MYO9B: variants seen among roughly 807,000 people sequenced by gnomAD.
MYO9B encodes unconventional myosin-IXb.
MYO9B carries 71 observed loss-of-function variants against 229.5 expected under a neutral mutation model. The observed-to-expected ratio is 0.31, with a 90% confidence interval of 0.26 to 0.38. The LOEUF is 0.38. Ranked by LOEUF, MYO9B falls within the 10% of genes least tolerant of loss-of-function variation. The probability of loss-of-function intolerance (pLI) is 1.00; values close to 1 mark genes in which losing one functional copy is unlikely to be tolerated. For missense variants in MYO9B, 2,255 were observed against 2,920.5 expected, an observed-to-expected ratio of 0.77 and a Z score of 5.25; for synonymous variants, 1,185 against 1,235.8, an observed-to-expected ratio of 0.96 and a Z score of 0.86.
At position 17,203,196 on chromosome 19, in the gene MYO9B, C is replaced by T; in HGVS notation, c.4928C>T (p.Pro1643Leu). Residue 1643 changes from proline to leucine, a missense_variant, in exon 30 of 40, where the codon CCG becomes CTG. Coordinates refer to ENST00000682292, the MANE Select transcript of MYO9B (RefSeq NM_004145.4). ...TTCGCCAGCTACCAGGTTAGCATCC[C>T]GCAGTCGTGCGAGCAGTGCCTCTCC... ...HVFASYQVSI[P>L]QSCEQCLSYI... The T allele has an allele frequency of 6.3e-7, 1 of 1,577,060 alleles. No individual in the cohort carries two copies. Among genetic ancestry groups the T allele is most frequent in the Non-Finnish European group, 8.6e-7 (1 of 1,161,406 alleles).
intron 2 of MYO9B, among the ~76,000 whole-genome samples, chr19:17,127,022 T>TC (rs2072129468): frequency 6.9e-6 from 1 of 145,512 alleles, no homozygotes; most frequent in African/African-American, 2.6e-5. Context: ...CATTTTTTTT[T>TC]TTTTTTTCAG....
At position 17,180,341 on chromosome 19, in the gene MYO9B, A is replaced by ATCTTTTTTTT. The variant is rs1555701612; in HGVS notation, c.2220-585_2220-584insCTTTTTTTTT. Among the ~76,000 whole-genome samples the ATCTTTTTTTT allele has an allele frequency of 3.4e-5, 3 of 87,984 alleles. 1 individual carries two copies. Among genetic ancestry groups the ATCTTTTTTTT allele is most frequent in the Non-Finnish European group, 2.1e-5 (1 of 48,466 alleles). The allele number at this position is 87,984 out of a possible 152,430, so 57.7% of individuals were successfully genotyped here. A position where few individuals can be genotyped will look rare whatever the true frequency, so the allele number is the denominator to read the frequency against. ...AAAGTGGAATGACCAGATGGAAATAATTTTTTTTTTTTTTTTTTTTTTTTT... is the reference window on the plus strand; with the variant it reads ...AAAGTGGAATGACCAGATGGAAATAATCTTTTTTTTTTTTTTTTTTTTTTTTTTTTTTTTT... On this transcript the variant is annotated intron_variant, in intron 14 of 39. Coordinates refer to ENST00000682292, the MANE Select transcript of MYO9B (RefSeq NM_004145.4).
Position 17,212,313 on chromosome 19 carries a change from G to C in MYO9B, c.*3G>C. 2 of 1,483,096 alleles carry C rather than the reference G, an allele frequency of 1.3e-6. No homozygotes were observed. The highest frequency in any genetic ancestry group is 1.8e-6 in the Non-Finnish European group (2 of 1,124,970). The allele number at this position is 1,483,096 out of a possible 1,614,324, so 91.9% of individuals were successfully genotyped here. On this transcript the variant is annotated 3_prime_UTR_variant, in exon 40 of 40. Coordinates refer to ENST00000682292, the MANE Select transcript of MYO9B (RefSeq NM_004145.4). This position sits in a 1 kb window ranked among gnomAD's most constrained non-coding sequence, Gnocchi z 5.4. The stretch of plus-strand genomic sequence containing the variant: ...CCTCGGGCCAGACCAATGGCTGAGA[G>C]CCACAGCTGACAAAGTCTGCATGTC...
intron 23 of MYO9B, 31 bp from the exon 24 acceptor site, chr19:17,198,153 C>T: frequency 1.2e-6 from 2 of 1,612,758 alleles, no homozygotes; most frequent in Non-Finnish European, 1.7e-6. Flanking sequence ...CCAGCCTTTC[C>T]TTAGCAGCCC....
intron 2 of MYO9B, among the ~76,000 whole-genome samples, chr19:17,142,195 C>A (rs944020077): frequency 6.6e-6 from 1 of 150,438 alleles, no homozygotes; most frequent in Admixed American, 6.6e-5. Flanking sequence ...AAAAAAGAAG[C>A]GGCAACCAGA....
chr19:17,084,971 G>C (rs1457706675), intron 1 of MYO9B, among the ~76,000 whole-genome samples: 1 of 152,116 alleles, frequency 6.6e-6, no homozygotes, highest in Non-Finnish European at 1.5e-5. Context: ...TCAGCTCCAG[G>C]GGAGAAACAA....
chr19:17,209,101 A>G (rs981696052), intron 35 of MYO9B, among the ~76,000 whole-genome samples: 34 of 151,540 alleles, frequency 2.2e-4, no homozygotes, highest in African/African-American at 7.5e-4. Context: ...TGACCACTCC[A>G]GGCTGAGTTC....
intron 2 of MYO9B, among the ~76,000 whole-genome samples, chr19:17,118,751 G>A (rs952804638): frequency 6.6e-6 from 1 of 152,016 alleles, no homozygotes; most frequent in Non-Finnish European, 1.5e-5. Flanking sequence ...CTGTGATCAC[G>A]CCTGGGATCA....
At chr19:17,131,891 G>C (rs1372761198) in intron 2 of MYO9B, among the ~76,000 whole-genome samples, 1 of 151,892 alleles carries the variant, frequency 6.6e-6, no homozygotes, top group Non-Finnish European at 1.5e-5. Flanking sequence ...TTTGGGGGGT[G>C]GGGCGGGGAA....
Position 17,210,493 on chromosome 19 carries a change from G to A in MYO9B, c.5796+113G>A, listed in dbSNP as rs551610753. On this transcript the variant is annotated intron_variant, in intron 37 of 39. Coordinates refer to ENST00000682292, the MANE Select transcript of MYO9B (RefSeq NM_004145.4). ...TAGACAGAGCCTGTCCTAACCTTCCGGAAGTGCATGCTGGGGAGGCCCCTT... is the reference window on the plus strand; with the variant it reads ...TAGACAGAGCCTGTCCTAACCTTCCAGAAGTGCATGCTGGGGAGGCCCCTT... The A allele has an allele frequency of 2.1e-5, 28 of 1,351,766 alleles. 1 individual carries two copies. The Admixed American group carries it at 3.4e-4, about 16-fold the overall frequency. The allele number at this position is 1,351,766 out of a possible 1,614,324, so 83.7% of individuals were successfully genotyped here. A position where few individuals can be genotyped will look rare whatever the true frequency, so the allele number is the denominator to read the frequency against.
chr19:17,103,486 T>G (rs531392931), intron 2 of MYO9B: 1 of 152,356 alleles, frequency 6.6e-6, no homozygotes, highest in African/African-American at 2.4e-5. Context: ...GGCTTAGGAT[T>G]GGCTTGTTTG....
chr19:17,097,668 G>A lies in MYO9B; in HGVS notation c.-58-3992G>A, dbSNP rs147234338. ...CTATCCCTGTGTGAACTGTTGCCTC[G>A]GCCTCATAAGTTATCGTTTCTTTCA... On this transcript the variant is annotated intron_variant, in intron 1 of 39. Coordinates refer to ENST00000682292, the MANE Select transcript of MYO9B (RefSeq NM_004145.4). Among the ~76,000 whole-genome samples, 308 of 152,060 alleles carry A rather than the reference G, an allele frequency of 2.0e-3. 1 individual carries two copies. The highest frequency in any genetic ancestry group is 0.016 in the Admixed American group (249 of 15,258).
intron 3 of MYO9B, among the ~76,000 whole-genome samples, chr19:17,149,279 C>T (rs1273524209): frequency 1.3e-5 from 2 of 152,140 alleles, no homozygotes; most frequent in Non-Finnish European, 2.9e-5. Context: ...GCGCCCAGCT[C>T]CCTTTTTCCA....
At chr19:17,148,314 C>A (rs916508567) in intron 3 of MYO9B, among the ~76,000 whole-genome samples, 1 of 152,198 alleles carries the variant, frequency 6.6e-6, no homozygotes, top group South Asian at 2.1e-4. Flanking sequence ...GGCACCGCCC[C>A]CTTTCCAACA....
At chr19:17,133,590 A>T (rs2072229931) in intron 2 of MYO9B, among the ~76,000 whole-genome samples, 1 of 150,756 alleles carries the variant, frequency 6.6e-6, no homozygotes. Context: ...CTGAGTATCT[A>T]GGACAACAGG....
At position 17,143,659 on chromosome 19, in the gene MYO9B, C is replaced by T. The variant is rs149394567; in HGVS notation, c.841-1738C>T. Among the ~76,000 whole-genome samples, 127 of 151,554 alleles carry T rather than the reference C, an allele frequency of 8.4e-4. No homozygotes were observed. In the East Asian group the frequency reaches 0.024, roughly 29 times the overall value. On this transcript the variant is annotated intron_variant, in intron 2 of 39. Transcript: ENST00000682292. ...TATTGGGGCCAGGCACAGTGGCTCA[C>T]GCCTGTAAATCCCAGCACTTTGAGA...
intron 2 of MYO9B, among the ~76,000 whole-genome samples, chr19:17,111,154 C>T (rs980800724): frequency 2.0e-5 from 3 of 152,190 alleles, no homozygotes; most frequent in African/African-American, 4.8e-5. Context: ...TGCCAGCCTC[C>T]ACCCAGCATT....
Position 17,192,888 on chromosome 19 carries a change from C to T in MYO9B, c.2954C>T (p.Thr985Ile). The change falls in exon 21 of 40, where the codon ACC becomes ATC. Residue 985 changes from threonine to isoleucine, a missense_variant. This residue lies in a region of MYO9B where 679 missense variants were observed against 770.2 expected (regional missense o/e 0.88). Coordinates refer to ENST00000682292, the MANE Select transcript of MYO9B (RefSeq NM_004145.4). ...CTGCAGATGAAGCGGGCCGCCGTCA[C>T]CATCCAGGCCTGCTGGCGGTCCTAC... ...HFLQMKRAAVTIQACWRSYRV... is the reference protein window; with the variant it reads ...HFLQMKRAAVIIQACWRSYRV... 3 of 1,550,480 alleles carry T rather than the reference C, an allele frequency of 1.9e-6. No homozygotes were observed. The highest frequency in any genetic ancestry group is 2.4e-5 in the South Asian group (2 of 84,060).
In MYO9B at chr19:17,212,937, G is replaced by A. The variant is rs2073248034; in HGVS notation, c.*627G>A. On this transcript the variant is annotated 3_prime_UTR_variant, in exon 40 of 40. Coordinates refer to ENST00000682292, the MANE Select transcript of MYO9B (RefSeq NM_004145.4). The surrounding 1 kb of genome is among the most constrained non-coding windows in gnomAD (Gnocchi z 5.4). ...TGCTGGAACCTTCCATGGGGGTCTGGGCTATTGGCTGGAGCCAGGACATGA... is the reference window on the plus strand; with the variant it reads ...TGCTGGAACCTTCCATGGGGGTCTGAGCTATTGGCTGGAGCCAGGACATGA... The A allele has an allele frequency of 1.3e-5, 2 of 152,318 alleles. No homozygotes were observed. The highest frequency in any genetic ancestry group is 4.8e-5 in the African/African-American group (2 of 41,536). The allele number at this position is 152,318 out of a possible 1,614,324, so 9.4% of individuals were successfully genotyped here. A position where few individuals can be genotyped will look rare whatever the true frequency, so the allele number is the denominator to read the frequency against.
Sources: gnomAD v4.1 joint callset for allele counts (sites outside exome capture counted in the v4.1 genomes callset) on GRCh38, gnomAD v4.1.1 for gene constraint, gnomAD v4.1.1 regional missense constraint, Gnocchi (gnomAD v3.1) non-coding constraint, MANE v1.5 for transcripts, NCBI Gene and HGNC (gene_info 2026-07-23, HGNC 2026-07-21) for gene names.